Variants in COL22A1 observed in about 807,000 individuals in gnomAD.
COL22A1 encodes the protein collagen type XXII alpha 1 chain, also known as collagen alpha-1(XXII) chain.
In COL22A1, 221 loss-of-function variants were observed where a neutral mutation model predicts 248.9. That is an observed-to-expected ratio of 0.89 (90% CI 0.80 to 0.99). The LOEUF (loss-of-function observed/expected upper bound fraction) is 0.99. Ranked by LOEUF, COL22A1 falls within the 50% of genes least tolerant of loss-of-function variation. COL22A1 has a pLI of 0.00. For synonymous variants in COL22A1, 891 were observed against 793.4 expected (o/e 1.12, Z -2.07); for missense variants, 2,240 against 2,179.0 (o/e 1.03, Z -0.56).
At chr8:138,758,108 G>T (rs1400018203) in intron 18 of COL22A1, among the ~76,000 whole-genome samples, 1 of 152,278 alleles carries the variant, frequency 6.6e-6, no homozygotes, top group East Asian at 1.9e-4. Context: ...CCCTTTCTGT[G>T]CACAGTACCA....
At chr8:138,749,011 T>C (rs1832369676) in intron 22 of COL22A1, among the ~76,000 whole-genome samples, 1 of 152,156 alleles carries the variant, frequency 6.6e-6, no homozygotes, top group South Asian at 2.1e-4. Flanking sequence ...TCTCACGAGA[T>C]TTCATGGTTT....
At chr8:138,725,747 G>A (rs1385203478) in intron 23 of COL22A1, among the ~76,000 whole-genome samples, 2 of 146,012 alleles carry the variant, frequency 1.4e-5, no homozygotes, top group East Asian at 4.0e-4. Flanking sequence ...GTGTGCACAT[G>A]TGCAGACACA....
chr8:138,787,135 A>G (rs1282504437), intron 12 of COL22A1, among the ~76,000 whole-genome samples: 1 of 152,114 alleles, frequency 6.6e-6, no homozygotes, highest in Non-Finnish European at 1.5e-5. Context: ...ACACTCATCC[A>G]AGTGCATGGG....
At chr8:138,664,104 G>C (rs1349780188) in intron 41 of COL22A1, among the ~76,000 whole-genome samples, 1 of 151,230 alleles carries the variant, frequency 6.6e-6, no homozygotes, top group Admixed American at 6.6e-5. Context: ...TTCTGCTTGG[G>C]AAAGGACGGG....
At chr8:138,778,235 C>A (rs1814651630) in intron 15 of COL22A1, 118 bp downstream of exon 15, 1 of 1,056,426 alleles carries the variant, frequency 9.5e-7, no homozygotes, top group Non-Finnish European at 1.5e-6. Context: ...ACTTCATTGG[C>A]ATCAGTAAGG....
chr8:138,796,637 G>C lies in COL22A1; in HGVS notation c.1596+182C>G, dbSNP rs1816562336. On this transcript the variant is annotated intron_variant, in intron 12 of 64. Transcript: ENST00000303045. ...ACCTTCTCTCTTTCTGCTGAGTACAGTACATGCTTCAACCACCCAAGCCAT... is the reference window on the plus strand; with the variant it reads ...ACCTTCTCTCTTTCTGCTGAGTACACTACATGCTTCAACCACCCAAGCCAT... Among the ~76,000 whole-genome samples, 3 of 151,636 alleles carry C rather than the reference G, an allele frequency of 2.0e-5. No homozygotes were observed. In the South Asian group the frequency reaches 6.2e-4, roughly 32 times the overall value.
chr8:138,745,860 T>G (rs1832059590), intron 22 of COL22A1, among the ~76,000 whole-genome samples: 1 of 152,114 alleles, frequency 6.6e-6, no homozygotes, highest in African/African-American at 2.4e-5. Context: ...CATCTCTCAT[T>G]TCAACTAGAT....
intron 39 of COL22A1, among the ~76,000 whole-genome samples, 159 bp from the exon 40 acceptor site, chr8:138,679,835 T>C (rs772653996): frequency 1.3e-5 from 2 of 152,182 alleles, no homozygotes; most frequent in Non-Finnish European, 2.9e-5. Context: ...AACCATTTCC[T>C]GGATGCAGGA....
At chr8:138,678,551 A>G (rs1387667334) in intron 40 of COL22A1, among the ~76,000 whole-genome samples, 1 of 148,532 alleles carries the variant, frequency 6.7e-6, no homozygotes, top group East Asian at 2.0e-4. Flanking sequence ...ACTAGTTTCT[A>G]TGGGGTGGTT....
chr8:138,825,285 A>G (rs542076250), intron 6 of COL22A1, among the ~76,000 whole-genome samples: 1 of 152,320 alleles, frequency 6.6e-6, no homozygotes, highest in African/African-American at 2.4e-5. Context: ...TCTGCATCTC[A>G]GTATGACCAG....
intron 44 of COL22A1, 65 bp downstream of exon 44, chr8:138,660,371 A>AT (rs1413921844): frequency 6.8e-7 from 1 of 1,464,880 alleles, no homozygotes; most frequent in African/African-American, 1.4e-5. Flanking sequence ...TCTGAGTTGC[A>AT]TTTTTTCTCT....
intron 5 of COL22A1, among the ~76,000 whole-genome samples, chr8:138,827,867 C>A (rs1819720949): frequency 6.6e-6 from 1 of 151,924 alleles, no homozygotes; most frequent in Non-Finnish European, 1.5e-5. Context: ...CCGCCACCCC[C>A]ACCAACATGC....
intron 7 of COL22A1, among the ~76,000 whole-genome samples, chr8:138,813,628 G>A (rs542087158): frequency 1.1e-4 from 7 of 65,080 alleles, no homozygotes; most frequent in African/African-American, 3.1e-4. Context: ...TTCAGGACAC[G>A]TTAAAGTCCA....
intron 1 of COL22A1, among the ~76,000 whole-genome samples, chr8:138,902,605 T>G (rs1321218805): frequency 2.0e-5 from 3 of 151,150 alleles, no homozygotes; most frequent in Non-Finnish European, 4.4e-5. Context: ...ACTCGGGAGG[T>G]TGAGGCAAGA....
intron 45 of COL22A1, among the ~76,000 whole-genome samples, chr8:138,650,571 T>G (rs1822621667): frequency 2.0e-5 from 3 of 152,126 alleles, no homozygotes; most frequent in Admixed American, 6.5e-5. Flanking sequence ...CTCCATGGCC[T>G]TCTCTCTAAT....
intron 11 of COL22A1, among the ~76,000 whole-genome samples, chr8:138,797,730 C>T (rs376056686): frequency 2.0e-5 from 3 of 152,216 alleles, no homozygotes. Flanking sequence ...TCTCCACATT[C>T]CTAGTTGTTC....
intron 3 of COL22A1, among the ~76,000 whole-genome samples, chr8:138,853,679 G>A (rs1324273079): frequency 6.6e-6 from 1 of 152,120 alleles, no homozygotes; most frequent in Non-Finnish European, 1.5e-5. Context: ...AAACATTTGG[G>A]ATTAAGGCGG....
At position 138,588,740 on chromosome 8, in the gene COL22A1, G is replaced by A. The variant is rs979287762; in HGVS notation, c.*513C>T. 8 of 152,650 alleles carry A rather than the reference G, an allele frequency of 5.2e-5. No individual in the cohort carries two copies. Among genetic ancestry groups the A allele is most frequent in the African/African-American group, 1.9e-4 (8 of 41,428 alleles). 9.5% of individuals were successfully genotyped at this position (152,650 alleles called of 1,614,324 possible). ...TCTGCTTCTTTACTCTCTCTGGACA[G>A]TGGTGGTGTTTGTATTATTTCTCCT... On this transcript the variant is annotated 3_prime_UTR_variant, in exon 65 of 65. Transcript: ENST00000303045.
intron 61 of COL22A1, among the ~76,000 whole-genome samples, chr8:138,597,919 G>A (rs1043799760): frequency 6.6e-6 from 1 of 152,162 alleles, no homozygotes; most frequent in South Asian, 2.1e-4. Flanking sequence ...CAGGGCACCT[G>A]AAACCCAGGC....
Sources: gnomAD v4.1 joint callset for allele counts (sites outside exome capture counted in the v4.1 genomes callset) on GRCh38, gnomAD v4.1.1 for gene constraint, MANE v1.5 for transcripts, NCBI Gene and HGNC (gene_info 2026-07-23, HGNC 2026-07-21) for gene names.